The following RGS6 variants were observed in gnomAD, a reference collection of about 807,000 sequenced individuals.
The protein encoded by RGS6 is regulator of G-protein signaling 6.
RGS6 carries 30 observed loss-of-function variants against 78.5 expected under a neutral mutation model. The ratio of observed to expected loss-of-function variants is 0.38; its 90% CI spans 0.29 to 0.52. RGS6 has a LOEUF of 0.52. Ranked by LOEUF, RGS6 falls within the 20% of genes least tolerant of loss-of-function variation. RGS6 has a pLI of 0.85. For synonymous variants in RGS6, 206 were observed against 206.0 expected, an observed-to-expected ratio of 1.00 and a Z score of 0.00; for missense variants, 495 against 609.7, an observed-to-expected ratio of 0.81 and a Z score of 1.98.
chr14:72,124,946 T>C (rs1039120571), intron 2 of RGS6, among the ~76,000 whole-genome samples: 2 of 152,210 alleles, frequency 1.3e-5, no homozygotes, highest in African/African-American at 4.8e-5. Flanking sequence ...GAGATGGGGA[T>C]GAGGCTGTTT....
intron 2 of RGS6, among the ~76,000 whole-genome samples, chr14:72,096,290 AAAAG>A (rs1183331066): frequency 1.3e-5 from 2 of 151,912 alleles, no homozygotes; most frequent in Admixed American, 6.6e-5. Flanking sequence ...TAAAAAAAAA[AAAAG>A]AAAAGAAAAA....
rs191755126 is a variant in RGS6, at chr14:72,459,761, G to A, written c.394+78G>A. On this transcript the variant is annotated intron_variant, in intron 6 of 17. Coordinates refer to ENST00000553525, the MANE Select transcript of RGS6 (RefSeq NM_001204424.2). ...TGGGGGTGCAGAAGACAAATGCTTG[G>A]TGTGGGCCATGGTGGTACATGGGGA... The A allele has an allele frequency of 4.3e-4, 617 of 1,433,594 alleles. 5 individuals are homozygous for A. In the East Asian group the frequency reaches 0.012, roughly 27 times the overall value. The allele number at this position is 1,433,594 out of a possible 1,614,324, so 88.8% of individuals were successfully genotyped here.
intron 2 of RGS6, among the ~76,000 whole-genome samples, chr14:72,264,167 C>T (rs774074312): frequency 1.6e-4 from 24 of 152,150 alleles, no homozygotes; most frequent in Non-Finnish European, 8.8e-5. Context: ...CAGGGCTTTT[C>T]GTAATTTCAG....
At position 71,961,888 on chromosome 14, in the gene RGS6, C is replaced by T. The variant is rs191514594; in HGVS notation, c.-20-2884C>T. ...ATTTAAACCCATTTCTATTGTACTC[C>T]ATTTAAAAGAAGTATTTTACATCAT... is the stretch of plus-strand genomic sequence containing the variant. On this transcript the variant is annotated intron_variant, in intron 1 of 17. Transcript: ENST00000553525. Among the ~76,000 whole-genome samples, 628 of 152,184 alleles carry T rather than the reference C, an allele frequency of 4.1e-3. 1 individual carries two copies. The highest frequency in any genetic ancestry group is 0.014 in the African/African-American group (597 of 41,510).
intron 2 of RGS6, among the ~76,000 whole-genome samples, chr14:72,156,413 C>T (rs2096771048): frequency 7.1e-6 from 1 of 140,848 alleles, no homozygotes; most frequent in Admixed American, 7.6e-5. Context: ...ACTTGGCTGC[C>T]ACTGCACTCC....
intron 2 of RGS6, among the ~76,000 whole-genome samples, chr14:72,092,286 A>G (rs1370146090): frequency 6.6e-6 from 1 of 152,000 alleles, no homozygotes; most frequent in Non-Finnish European, 1.5e-5. Context: ...CGGCCTCCCA[A>G]AGTGAGCTTA....
intron 2 of RGS6, among the ~76,000 whole-genome samples, chr14:72,012,447 A>G (rs2085972771): frequency 6.6e-6 from 1 of 152,172 alleles, no homozygotes; most frequent in East Asian, 1.9e-4. Context: ...CTTTCCCCAT[A>G]TATTTTAATG....
chr14:72,288,873 C>T (rs974579975), intron 2 of RGS6, among the ~76,000 whole-genome samples: 6 of 152,176 alleles, frequency 3.9e-5, no homozygotes, highest in African/African-American at 1.4e-4. Context: ...AACAGTTTTC[C>T]TGCTCACTCT....
chr14:72,369,566 A>C (rs1285326536), intron 3 of RGS6, among the ~76,000 whole-genome samples: 3 of 152,200 alleles, frequency 2.0e-5, no homozygotes, highest in Non-Finnish European at 2.9e-5. Flanking sequence ...TTTTAGAAAA[A>C]TTGTGATTCA....
intron 9 of RGS6, among the ~76,000 whole-genome samples, chr14:72,473,496 A>G (rs755948856): frequency 6.6e-6 from 1 of 152,204 alleles, no homozygotes; most frequent in Non-Finnish European, 1.5e-5. Context: ...CAAATGGAGA[A>G]GCTATGGGAA....
At chr14:72,171,826 T>C (rs551000429) in intron 2 of RGS6, among the ~76,000 whole-genome samples, 3 of 152,194 alleles carry the variant, frequency 2.0e-5, no homozygotes, top group Non-Finnish European at 2.9e-5. Context: ...ATTTAACCCT[T>C]ACAACAACCC....
chr14:72,209,188 C>G (rs1449741486), intron 2 of RGS6, among the ~76,000 whole-genome samples: 1 of 152,172 alleles, frequency 6.6e-6, no homozygotes, highest in Non-Finnish European at 1.5e-5. Flanking sequence ...CTGCAGTGAG[C>G]TATGATTGTG....
At chr14:71,913,581 C>A in the RGS6 span, among the ~76,000 whole-genome samples, 18 of 152,334 alleles carry the variant, frequency 1.2e-4, no homozygotes, top group Admixed American at 9.2e-4. Context: ...CTGGAAAGGC[C>A]ATGTACTTGC....
intron 3 of RGS6, among the ~76,000 whole-genome samples, chr14:72,388,539 TG>T (rs2088990203): frequency 6.6e-6 from 1 of 152,176 alleles, no homozygotes; most frequent in Non-Finnish European, 1.5e-5. Flanking sequence ...TTGGTGGGGC[TG>T]GGGGTGTCTG....
At chr14:72,539,435 G>T (rs575315076) in intron 16 of RGS6, among the ~76,000 whole-genome samples, 4 of 152,180 alleles carry the variant, frequency 2.6e-5, no homozygotes, top group Non-Finnish European at 4.4e-5. Context: ...GACACAGAAC[G>T]AGGGTCACTA....
At chr14:72,165,654 C>T (rs927759268) in intron 2 of RGS6, among the ~76,000 whole-genome samples, 2 of 152,166 alleles carry the variant, frequency 1.3e-5, no homozygotes, top group African/African-American at 2.4e-5. Context: ...GCCAGCACGT[C>T]GTTTTCTGAA....
At chr14:72,208,686 G>T (rs1409984189) in intron 2 of RGS6, among the ~76,000 whole-genome samples, 1 of 152,136 alleles carries the variant, frequency 6.6e-6, no homozygotes, top group African/African-American at 2.4e-5. Flanking sequence ...GACTATTTCA[G>T]CATAACTTGT....
rs144479741 is a variant in RGS6, at chr14:71,941,395, C to T, written c.-21+8454C>T. The stretch of plus-strand genomic sequence containing the variant: ...AGAAACCCCAAAACCAACGAAAGAA[C>T]TCCATTCTTAATATTCTGTTCATCT... On this transcript the variant is annotated intron_variant, in intron 1 of 17. Transcript: ENST00000553525. 7.7e-3 allele frequency among the ~76,000 whole-genome samples: 1,173 copies of T among 152,294 alleles called. 14 individuals are homozygous for T. The highest frequency in any genetic ancestry group is 0.027 in the African/African-American group (1,126 of 41,538).
intron 3 of RGS6, among the ~76,000 whole-genome samples, chr14:72,377,170 T>G (rs1219526935): frequency 2.0e-5 from 3 of 152,034 alleles, no homozygotes; most frequent in African/African-American, 7.2e-5. Context: ...ATCTCACCTA[T>G]AAAGACACAA....
Sources: allele counts gnomAD v4.1 joint callset (sites outside exome capture counted in the v4.1 genomes callset), GRCh38; gene constraint gnomAD v4.1.1; transcripts MANE v1.5; gene names NCBI Gene and HGNC (gene_info 2026-07-23, HGNC 2026-07-21).